Variants in TASP1 observed in about 807,000 individuals in gnomAD.
TASP1 encodes taspase 1.
In TASP1, 16 loss-of-function variants were observed where a neutral mutation model predicts 56.6. The observed-to-expected ratio is 0.28, with a 90% confidence interval of 0.19 to 0.43. TASP1 has a LOEUF of 0.43. Ranked by LOEUF, TASP1 falls within the 20% of genes least tolerant of loss-of-function variation. TASP1 has a pLI of 1.00. For missense variants in TASP1, 393 were observed against 511.6 expected (o/e 0.77, Z 2.24); for synonymous variants, 179 against 184.2 (o/e 0.97, Z 0.23).
At chr20:13,581,752 T>C (rs924769858) in intron 5 of TASP1, among the ~76,000 whole-genome samples, 2 of 152,186 alleles carry the variant, frequency 1.3e-5, no homozygotes, top group African/African-American at 4.8e-5. Context: ...AAAGTAACTA[T>C]TTCCTAATGT....
At chr20:13,623,547 A>C in intron 3 of TASP1, 33 bp from the exon 4 acceptor site, 1 of 1,432,506 alleles carries the variant, frequency 7.0e-7, no homozygotes, top group Non-Finnish European at 9.8e-7. Context: ...TATTCATTGC[A>C]AAATCACAAC....
intron 4 of TASP1, among the ~76,000 whole-genome samples, chr20:13,621,322 A>C (rs2048708086): frequency 6.6e-6 from 1 of 152,030 alleles, no homozygotes; most frequent in African/African-American, 2.4e-5. Context: ...TCCCAGCTAC[A>C]CGGGAGGCTG....
At chr20:13,323,712 C>T in the TASP1 span, among the ~76,000 whole-genome samples, 1 of 152,086 alleles carries the variant, frequency 6.6e-6, no homozygotes, top group South Asian at 2.1e-4. Context: ...GAGTTAATTA[C>T]TAAAAGAATG....
At chr20:13,236,476 G>A in the TASP1 span, among the ~76,000 whole-genome samples, 18 of 152,054 alleles carry the variant, frequency 1.2e-4, no homozygotes, top group African/African-American at 3.4e-4. Flanking sequence ...ATTCCACCCC[G>A]GCCCCTCCAA....
intron 2 of TASP1, among the ~76,000 whole-genome samples, chr20:13,629,694 T>A (rs1356076964): frequency 2.6e-5 from 4 of 152,122 alleles, no homozygotes; most frequent in Admixed American, 2.6e-4. Context: ...TACATAGAGT[T>A]AAAGTAAATA....
intron 6 of TASP1, among the ~76,000 whole-genome samples, chr20:13,575,412 G>A (rs775448852): frequency 9.9e-5 from 15 of 152,098 alleles, no homozygotes; most frequent in South Asian, 2.1e-4. Flanking sequence ...GGTTTTTCCC[G>A]TGCTGTTCTT....
chr20:13,586,772 A>G (rs1226576185), intron 5 of TASP1, among the ~76,000 whole-genome samples: 1 of 152,202 alleles, frequency 6.6e-6, no homozygotes. Flanking sequence ...AAATCTAAAA[A>G]GTTTATAATA....
the TASP1 span, among the ~76,000 whole-genome samples, chr20:13,197,861 A>G: frequency 2.6e-5 from 4 of 152,208 alleles, no homozygotes; most frequent in African/African-American, 9.6e-5. Flanking sequence ...TAATGGTTTA[A>G]CCTTTATCTG....
the TASP1 span, among the ~76,000 whole-genome samples, chr20:13,276,393 T>C: frequency 6.6e-6 from 1 of 151,942 alleles, no homozygotes; most frequent in Non-Finnish European, 1.5e-5. Flanking sequence ...GTCAATGTAT[T>C]AATTTTCAAG....
the TASP1 span, among the ~76,000 whole-genome samples, chr20:13,159,052 G>A: frequency 6.6e-6 from 1 of 152,162 alleles, no homozygotes; most frequent in Admixed American, 6.5e-5. Context: ...AGCCCAAAGG[G>A]GAAAAAGAGT....
intron 10 of TASP1, among the ~76,000 whole-genome samples, chr20:13,487,685 C>A (rs961732268): frequency 6.6e-6 from 1 of 152,002 alleles, no homozygotes; most frequent in Admixed American, 6.6e-5. Flanking sequence ...ATAAAAAATT[C>A]CAACCCCCAA....
intron 12 of TASP1, among the ~76,000 whole-genome samples, chr20:13,429,029 C>T (rs35753233): frequency 0.027 from 4,161 of 152,244 alleles, 83 homozygotes; most frequent in Non-Finnish European, 0.041. Context: ...AATTTTCCAG[C>T]GCCTGGAAAG....
the TASP1 span, among the ~76,000 whole-genome samples, chr20:13,371,940 G>C: frequency 6.6e-6 from 1 of 151,962 alleles, no homozygotes; most frequent in East Asian, 1.9e-4. Flanking sequence ...AATCTATTTT[G>C]TCTGATATTT....
chr20:13,601,868 C>CTT (rs61111564), intron 4 of TASP1, among the ~76,000 whole-genome samples: 3 of 53,548 alleles, frequency 5.6e-5, no homozygotes, highest in African/African-American at 8.4e-5. Flanking sequence ...TAACCCCATT[C>CTT]TTTTTTTTTT....
the TASP1 span, among the ~76,000 whole-genome samples, chr20:13,275,760 C>T: frequency 1.3e-5 from 2 of 152,268 alleles, no homozygotes; most frequent in African/African-American, 4.8e-5. Context: ...GATAGATGCT[C>T]GTTGGTGATG....
chr20:13,251,693 T>C, the TASP1 span, among the ~76,000 whole-genome samples: 1 of 152,228 alleles, frequency 6.6e-6, no homozygotes, highest in Non-Finnish European at 1.5e-5. Flanking sequence ...ACAGACTCTA[T>C]CTTCTGACCT....
intron 4 of TASP1, chr20:13,600,686 C>G (rs1379860077): frequency 6.6e-6 from 1 of 151,866 alleles, no homozygotes; most frequent in Non-Finnish European, 1.5e-5. Context: ...CACAGAAAAA[C>G]ATATATTATA....
At chr20:13,354,036 A>T in the TASP1 span, among the ~76,000 whole-genome samples, 1 of 152,238 alleles carries the variant, frequency 6.6e-6, no homozygotes, top group African/African-American at 2.4e-5. Context: ...AGAACAAAGT[A>T]CTGTCAAAAT....
At chr20:13,502,641 G>A (rs1055084844) in intron 10 of TASP1, among the ~76,000 whole-genome samples, 2 of 152,062 alleles carry the variant, frequency 1.3e-5, no homozygotes, top group Non-Finnish European at 2.9e-5. Flanking sequence ...GTAGGAGAGG[G>A]TGCAACAGTA....
Sources: gnomAD v4.1 joint callset for allele counts (sites outside exome capture counted in the v4.1 genomes callset) on GRCh38, gnomAD v4.1.1 for gene constraint, MANE v1.5 for transcripts, NCBI Gene and HGNC (gene_info 2026-07-23, HGNC 2026-07-21) for gene names.